The following DCLK3 variants were observed in gnomAD, a reference collection of about 807,000 sequenced individuals.
DCLK3 encodes doublecortin like kinase 3.
DCLK3 carries 30 observed loss-of-function variants against 46.4 expected under a neutral mutation model. The observed-to-expected ratio is 0.65, with a 90% CI of 0.48 to 0.88. The LOEUF (loss-of-function observed/expected upper bound fraction) is 0.88. Ranked by LOEUF, DCLK3 falls within the 40% of genes least tolerant of loss-of-function variation. DCLK3 has a pLI of 0.00. For synonymous variants in DCLK3, 401 were observed against 339.2 expected (o/e 1.18, Z -2.00); for missense variants, 846 against 907.1 (o/e 0.93, Z 0.87).
chr3:36,740,687 G>T (rs1366005653), intron 1 of DCLK3, among the ~76,000 whole-genome samples: 1 of 152,192 alleles, frequency 6.6e-6, no homozygotes, highest in African/African-American at 2.4e-5. Context: ...GTCAGGAAGA[G>T]AAATTGGAAA....
In DCLK3 at chr3:36,729,801, A is replaced by G. The variant is rs1261479553; in HGVS notation, c.1959+7407T>C. 3 of 152,196 alleles carry G rather than the reference A, an allele frequency of 2.0e-5. No homozygotes were observed. In the East Asian group the frequency reaches 5.8e-4, roughly 29 times the overall value. 9.4% of individuals were successfully genotyped at this position (152,196 alleles called of 1,614,324 possible). On this transcript the variant is annotated intron_variant, in intron 2 of 4. Coordinates refer to ENST00000636136, the MANE Select transcript of DCLK3 (RefSeq NM_001394672.2). ...CAAGGTCCATTTTCAACTGGCTGTG[A>G]AGAATGAAATGATCTTAGAAACCAA...
chr3:36,716,219 C>A (rs928197531), intron 4 of DCLK3, among the ~76,000 whole-genome samples: 4 of 152,192 alleles, frequency 2.6e-5, no homozygotes, highest in African/African-American at 9.7e-5. Flanking sequence ...GCTCTCCCAG[C>A]CTGGCTCATT....
chr3:36,721,657 A>T lies in DCLK3; in HGVS notation c.1962T>A (p.Val654=). Residue 654 remains valine, a splice_region_variant and synonymous_variant, in exon 3 of 5, where the codon GTT becomes GTA. Transcript: ENST00000636136. The stretch of plus-strand genomic sequence containing the variant: ...TAGTAGATTTGTCCTCATTTCGCTG[A>T]ACCTGTAAGAAACCAAAATCCCCAA... ...HRDLKPENLL[V]QRNEDKSTTL... 2 of 1,614,084 alleles carry T rather than the reference A, an allele frequency of 1.2e-6. No homozygotes were observed. Among genetic ancestry groups the T allele is most frequent in the Middle Eastern group, 3.3e-4 (2 of 6,060 alleles).
At position 36,738,181 on chromosome 3, in the gene DCLK3, C is replaced by A; in HGVS notation, c.986G>T (p.Gly329Val). Reference protein sequence around the residue: ...QSLERERLSLGTSELDMGKGP... With the variant: ...QSLERERLSLVTSELDMGKGP... ...CTTCCCCATATCCAGCTCACTGGTCCCCAGAGAAAGCCTCTCACGCTCCAG... is the reference window on the plus strand; with the variant it reads ...CTTCCCCATATCCAGCTCACTGGTCACCAGAGAAAGCCTCTCACGCTCCAG... The change falls in exon 2 of 5, where the codon GGG (glycine) becomes GTG (valine). Residue 329 changes from glycine (G) to valine (V), a missense_variant. By Grantham distance (109) the Gly-to-Val change is moderately radical. Transcript: ENST00000636136. The A allele has an allele frequency of 1.2e-6, 2 of 1,613,900 alleles. No individual in the cohort carries two copies. Among genetic ancestry groups the A allele is most frequent in the South Asian group, 2.2e-5 (2 of 90,986 alleles).
At chr3:36,739,324 G>C (rs1701319045) in intron 1 of DCLK3, among the ~76,000 whole-genome samples, 1 of 152,140 alleles carries the variant, frequency 6.6e-6, no homozygotes, top group African/African-American at 2.4e-5. Context: ...GGCCTCACAG[G>C]GGCCCCCAGG....
At position 36,714,086 on chromosome 3, in the gene DCLK3, G is replaced by T. The variant is rs890291921; in HGVS notation, c.*1242C>A. 6.6e-6 allele frequency: 1 copy of T among 152,158 alleles called. No homozygotes were observed. The highest frequency in any genetic ancestry group is 2.4e-5 in the African/African-American group (1 of 41,430). 9.4% of individuals were successfully genotyped at this position (152,158 alleles called of 1,614,324 possible). A position where few individuals can be genotyped will look rare whatever the true frequency, so the allele number is the denominator to read the frequency against. ...CTAATAACCCCAACTTCTTCCCTTG[G>T]TTCTCCAAAGAACAGGAGCCACTTC... On this transcript the variant is annotated 3_prime_UTR_variant, in exon 5 of 5. Transcript: ENST00000636136.
At chr3:36,735,401 C>T (rs911502762) in intron 2 of DCLK3, among the ~76,000 whole-genome samples, 5 of 152,206 alleles carry the variant, frequency 3.3e-5, no homozygotes, top group Non-Finnish European at 7.3e-5. Context: ...TCCAACCAGT[C>T]AAACTGCTTC....
At chr3:36,740,086 A>G (rs975495694) in intron 1 of DCLK3, among the ~76,000 whole-genome samples, 1 of 149,844 alleles carries the variant, frequency 6.7e-6, no homozygotes, top group African/African-American at 2.5e-5. Context: ...ATGGCCATGG[A>G]CTGCTTGTGT....
intron 2 of DCLK3, among the ~76,000 whole-genome samples, chr3:36,725,484 G>A (rs1037602419): frequency 6.6e-6 from 1 of 152,116 alleles, no homozygotes; most frequent in Non-Finnish European, 1.5e-5. Context: ...AGGCATGGTG[G>A]TGCATGCCTG....
chr3:36,729,252 G>GC (rs1176776948), intron 2 of DCLK3, among the ~76,000 whole-genome samples: 1 of 109,146 alleles, frequency 9.2e-6, no homozygotes, highest in Non-Finnish European at 2.2e-5. Context: ...TGTGTGTGGG[G>GC]GGGGGGGGTA....
intron 2 of DCLK3, among the ~76,000 whole-genome samples, chr3:36,729,436 G>A (rs1362888350): frequency 6.6e-6 from 1 of 152,130 alleles, no homozygotes; most frequent in Non-Finnish European, 1.5e-5. Context: ...TGTAATGACT[G>A]TTATCTGTCT....
intron 1 of DCLK3, among the ~76,000 whole-genome samples, chr3:36,758,419 G>A (rs1701507378): frequency 6.6e-6 from 1 of 152,130 alleles, no homozygotes; most frequent in Non-Finnish European, 1.5e-5. Flanking sequence ...GAAGGGTGGG[G>A]GCTTTGGGGA....
intron 2 of DCLK3, among the ~76,000 whole-genome samples, chr3:36,725,311 CAAA>C (rs11303085): frequency 2.3e-5 from 3 of 133,314 alleles, no homozygotes; most frequent in South Asian, 5.0e-4. Flanking sequence ...GACTCCGTCT[CAAA>C]AAAAAAAAAA....
intron 1 of DCLK3, among the ~76,000 whole-genome samples, chr3:36,742,734 A>G (rs1311118042): frequency 6.6e-6 from 1 of 152,234 alleles, no homozygotes; most frequent in African/African-American, 2.4e-5. Flanking sequence ...AGTAGTCTAG[A>G]GCAAAATTTT....
chr3:36,755,200 A>T (rs1338677524), intron 1 of DCLK3, among the ~76,000 whole-genome samples: 1 of 152,238 alleles, frequency 6.6e-6, no homozygotes, highest in East Asian at 1.9e-4. Flanking sequence ...AGCCTAATAG[A>T]CATATCAGTT....
At chr3:36,718,208 A>C (rs762888851) in intron 3 of DCLK3, 31 bp from the exon 4 acceptor site, 2 of 1,612,598 alleles carry the variant, frequency 1.2e-6, no homozygotes, top group East Asian at 2.2e-5. Flanking sequence ...ACACAAGCAA[A>C]CCTGAGACCA....
At chr3:36,721,778 C>CACTGACAA (rs1701064803) in intron 2 of DCLK3, 119 bp from the exon 3 acceptor site, 1 of 1,197,308 alleles carries the variant, frequency 8.4e-7, no homozygotes, top group African/African-American at 1.5e-5. Context: ...TATGAGATTA[C>CACTGACAA]AGCTTAGCCC....
chr3:36,734,651 C>T (rs1161026873), intron 2 of DCLK3, among the ~76,000 whole-genome samples: 1 of 151,882 alleles, frequency 6.6e-6, no homozygotes, highest in South Asian at 2.1e-4. Context: ...TAAACAAAAG[C>T]TCATGCATTT....
chr3:36,725,409 G>A (rs956204986), intron 2 of DCLK3, among the ~76,000 whole-genome samples: 11 of 151,976 alleles, frequency 7.2e-5, no homozygotes, highest in Non-Finnish European at 1.6e-4. Context: ...TTGAGGCCAG[G>A]AGTTCAAGAC....
Sources: allele counts gnomAD v4.1 joint callset (sites outside exome capture counted in the v4.1 genomes callset), GRCh38; gene constraint gnomAD v4.1.1; transcripts MANE v1.5; gene names NCBI Gene and HGNC (gene_info 2026-07-23, HGNC 2026-07-21).